Variants in SP140 observed in about 807,000 individuals in gnomAD.
The protein encoded by SP140 is SP140 nuclear body protein.
SP140 carries 81 observed loss-of-function variants against 125.0 expected under a neutral mutation model. The ratio of observed to expected loss-of-function variants is 0.65; its 90% CI spans 0.54 to 0.78. The LOEUF is 0.78. Ranked by LOEUF, SP140 falls within the 30% of genes least tolerant of loss-of-function variation. SP140 has a pLI of 0.00. For synonymous variants in SP140, 312 were observed against 354.0 expected, an observed-to-expected ratio of 0.88 and a Z score of 1.33; for missense variants, 858 against 1,037.0, an observed-to-expected ratio of 0.83 and a Z score of 2.37.
chr2:230,209,936 T>C lies in SP140; in HGVS notation c.-322-3718T>C, dbSNP rs2044285585. ...AGAAGAAAGGCTTTTCTTACCTTTC[T>C]TGTCTGAAGGTGTGCTGGACACCTC... On this transcript the variant is annotated intron_variant, in intron 1 of 4. Transcript: ENST00000456542. 3 of 1,594,786 alleles carry C rather than the reference T, an allele frequency of 1.9e-6. No homozygotes were observed. In the African/African-American group the frequency reaches 4.0e-5, roughly 21 times the overall value.
chr2:230,251,499 G>GA (rs2050363064), intron 10 of SP140, among the ~76,000 whole-genome samples: 2 of 152,020 alleles, frequency 1.3e-5, no homozygotes, highest in South Asian at 4.2e-4. Flanking sequence ...ATGCTAGGAG[G>GA]AAAAAATGCT....
In SP140 at chr2:230,294,257, T is replaced by C; in HGVS notation, c.1969-14T>C. 1 of 1,611,810 alleles carries C rather than the reference T, an allele frequency of 6.2e-7. No homozygotes were observed. Among genetic ancestry groups the C allele is most frequent in the Non-Finnish European group, 8.5e-7 (1 of 1,177,978 alleles). ...CACAGGCTGACCATATACCTGAATCTTTTTGTCTTTCAGAATGGATTTCTG... is the reference window on the plus strand; with the variant it reads ...CACAGGCTGACCATATACCTGAATCCTTTTGTCTTTCAGAATGGATTTCTG... On this transcript the variant is annotated splice_polypyrimidine_tract_variant and intron_variant, in intron 20 of 26. Coordinates refer to ENST00000392045, the MANE Select transcript of SP140 (RefSeq NM_007237.5).
intron 12 of SP140, among the ~76,000 whole-genome samples, chr2:230,261,612 C>A (rs55976038): frequency 0.22 from 32,671 of 151,914 alleles, 3,806 homozygotes; most frequent in African/African-American, 0.3. Context: ...CTTTTATTAC[C>A]TTAAGGTATG....
At chr2:230,189,730 T>C in the SP140 span, among the ~76,000 whole-genome samples, 2 of 152,128 alleles carry the variant, frequency 1.3e-5, no homozygotes, top group South Asian at 4.2e-4. Context: ...TGTGTGTTGT[T>C]CCCCTCTCTG....
Position 230,310,384 on chromosome 2 carries a change from G to A in SP140, c.2174+345G>A. On this transcript the variant is annotated intron_variant, in intron 23 of 26. Coordinates refer to ENST00000392045, the MANE Select transcript of SP140 (RefSeq NM_007237.5). ...TGTGCTTATTCATACAAGACAGGAAGCACGATCTCATTGGGCTGTTGGAGG... is the reference window on the plus strand; with the variant it reads ...TGTGCTTATTCATACAAGACAGGAAACACGATCTCATTGGGCTGTTGGAGG... The A allele has an allele frequency of 6.1e-6, 3 of 492,466 alleles. No individual in the cohort carries two copies. In the South Asian group the frequency reaches 6.4e-5, roughly 11 times the overall value. The allele number at this position is 492,466 out of a possible 1,614,324, so 30.5% of individuals were successfully genotyped here.
chr2:230,315,863 C>G (rs1322911651), downstream of SP140, among the ~76,000 whole-genome samples: 2 of 152,150 alleles, frequency 1.3e-5, no homozygotes, highest in African/African-American at 4.8e-5. Flanking sequence ...AAAACTTAAC[C>G]AAGGAGTAGC....
chr2:230,304,118 G>A (rs2058547423), intron 22 of SP140, among the ~76,000 whole-genome samples: 1 of 152,000 alleles, frequency 6.6e-6, no homozygotes, highest in African/African-American at 2.4e-5. Flanking sequence ...CAGAGACAAA[G>A]CTGAGAATCA....
chr2:230,275,190 G>A (rs1055096329), intron 15 of SP140, among the ~76,000 whole-genome samples: 1 of 152,088 alleles, frequency 6.6e-6, no homozygotes, highest in Non-Finnish European at 1.5e-5. Flanking sequence ...CATATTTGAT[G>A]TTATTCTTTT....
the SP140 span, among the ~76,000 whole-genome samples, chr2:230,190,956 T>C: frequency 3.3e-5 from 5 of 152,248 alleles, no homozygotes; most frequent in Non-Finnish European, 7.3e-5. Flanking sequence ...TTGGTTACTG[T>C]AGCCTTGTCG....
chr2:230,201,117 C>T, upstream of SP140: 1 of 711,084 alleles, frequency 1.4e-6, no homozygotes, highest in Non-Finnish European at 2.5e-6. Context: ...AGATTTGGTG[C>T]TGCTCATGAC....
intron 3 of SP140, chr2:230,214,994 C>A: frequency 6.2e-7 from 1 of 1,613,996 alleles, no homozygotes; most frequent in Non-Finnish European, 8.5e-7. Context: ...GGGATATTCA[C>A]GCAGGTTAAT....
intron 15 of SP140, among the ~76,000 whole-genome samples, chr2:230,281,832 G>A (rs2055611740): frequency 6.6e-6 from 1 of 152,100 alleles, no homozygotes; most frequent in Non-Finnish European, 1.5e-5. Context: ...AGTTTTTTAA[G>A]TTTTTGCTAT....
rs1014845490 is a variant in SP140 at position 230,237,918 on chromosome 2, G to C, written c.238-295G>C. Among the ~76,000 whole-genome samples the C allele has an allele frequency of 6.6e-6, 1 of 152,124 alleles. No individual in the cohort carries two copies. Among genetic ancestry groups the C allele is most frequent in the Non-Finnish European group, 1.5e-5 (1 of 68,022 alleles). On this transcript the variant is annotated intron_variant, in intron 2 of 26. Transcript: ENST00000392045. This position sits in a 1 kb window ranked among gnomAD's most constrained non-coding sequence, Gnocchi z 5.4. ...ATTGTCCATGCAACAGAACAGCCTTGTTAAGGCCACTCCTGAAATAACCTG... is the reference window on the plus strand; with the variant it reads ...ATTGTCCATGCAACAGAACAGCCTTCTTAAGGCCACTCCTGAAATAACCTG...
intron 1 of SP140, 79 bp downstream of exon 1, chr2:230,225,982 C>T: frequency 9.2e-7 from 1 of 1,087,726 alleles, no homozygotes; most frequent in Non-Finnish European, 1.4e-6. Flanking sequence ...AATGTCTACC[C>T]AGCTTCACTC....
chr2:230,266,172 C>T (rs2162480), intron 12 of SP140, among the ~76,000 whole-genome samples: 65,521 of 151,972 alleles, frequency 0.43, 14,581 homozygotes, highest in African/African-American at 0.53. Context: ...TTGGGAAACT[C>T]TGAAGACATT....
At chr2:230,226,625 C>T (rs6734753) in intron 1 of SP140, among the ~76,000 whole-genome samples, 1 of 151,756 alleles carries the variant, frequency 6.6e-6, no homozygotes, top group Non-Finnish European at 1.5e-5. Context: ...AGCTGGGTGT[C>T]ATGGTGTATG....
At chr2:230,216,905 A>T in intron 3 of SP140, 1 of 1,613,830 alleles carries the variant, frequency 6.2e-7, no homozygotes, top group Non-Finnish European at 8.5e-7. Context: ...AGCCTCTTCC[A>T]TGGCTCTTGT....
At position 230,297,408 on chromosome 2, in the gene SP140, G is replaced by GT. The variant is rs761237759; in HGVS notation, c.2017-7dup. On this transcript the variant is annotated splice_polypyrimidine_tract_variant and intron_variant, in intron 21 of 26. Transcript: ENST00000392045. ...TTCAATATCATAAATCAATCTTTCT[G>GT]TTTTTTCAACAGAGAATACTGAAGT... The GT allele has an allele frequency of 1.9e-4, 307 of 1,613,166 alleles. 3 individuals are homozygous for GT. Among genetic ancestry groups the GT allele is most frequent in the Middle Eastern group, 1.7e-3 (10 of 6,058 alleles).
rs918133074 is a variant in SP140, at chr2:230,260,954, G to A, written c.1240+5422G>A. 2.9e-4 allele frequency among the ~76,000 whole-genome samples: 44 copies of A among 152,088 alleles called. 1 individual carries two copies. The highest frequency in any genetic ancestry group is 1.0e-3 in the African/African-American group (43 of 41,522). ...TTTTGGTTCCATATGAATTTTAGAG[G>A]TGTTTTTTCTAATTCTGTGAAGAAG... On this transcript the variant is annotated intron_variant, in intron 12 of 26. Coordinates refer to ENST00000392045, the MANE Select transcript of SP140 (RefSeq NM_007237.5).
Sources: allele counts gnomAD v4.1 joint callset (sites outside exome capture counted in the v4.1 genomes callset), GRCh38; gene constraint gnomAD v4.1.1; non-coding constraint Gnocchi (gnomAD v3.1); transcripts MANE v1.5; gene names NCBI Gene and HGNC (gene_info 2026-07-23, HGNC 2026-07-21).